PHLPP1: variants seen among roughly 807,000 people sequenced by gnomAD.
PHLPP1 encodes PH domain leucine-rich repeat-containing protein phosphatase 1.
Under a neutral mutation model 117.2 loss-of-function variants are expected in PHLPP1, and 42 were observed. The ratio of observed to expected loss-of-function variants is 0.36; its 90% CI spans 0.28 to 0.46. PHLPP1 has a LOEUF of 0.46. Ranked by LOEUF, PHLPP1 falls within the 20% of genes least tolerant of loss-of-function variation. The pLI is 1.00. For synonymous variants in PHLPP1, 1,042 were observed against 970.7 expected (o/e 1.07, Z -1.37); for missense variants, 2,084 against 2,241.9 (o/e 0.93, Z 1.42).
Position 62,941,810 on chromosome 18 carries a change from A to G in PHLPP1, c.3053A>G (p.Tyr1018Cys). ...EETNSILQEL[Y>C]LTNNSLTDKC... ...ACAAACAGTATCTTACAAGAGTTGT[A>G]TTTGACAAATAACAGCCTCACAGAC... Residue 1018 changes from tyrosine (Y) to cysteine (C), a missense_variant, in exon 11 of 17, where the codon TAT (tyrosine) becomes TGT (cysteine). This residue lies in a region of PHLPP1 where 1,365 missense variants were observed against 1,605.9 expected (regional missense o/e 0.85). Transcript: ENST00000262719. 1 of 1,613,980 alleles carries G rather than the reference A, an allele frequency of 6.2e-7. No individual in the cohort carries two copies. The highest frequency in any genetic ancestry group is 8.5e-7 in the Non-Finnish European group (1 of 1,179,828).
intron 4 of PHLPP1, among the ~76,000 whole-genome samples, chr18:62,866,331 G>GC (rs1227166557): frequency 6.7e-6 from 1 of 150,294 alleles, no homozygotes; most frequent in East Asian, 2.0e-4. Context: ...TGCAACCTCC[G>GC]CCCCCCAGGT....
At position 62,975,379 on chromosome 18, in the gene PHLPP1, CCT is replaced by C; in HGVS notation, c.3756-13_3756-12del. The C allele has an allele frequency of 1.3e-6, 2 of 1,573,680 alleles. No homozygotes were observed. Among genetic ancestry groups the C allele is most frequent in the South Asian group, 1.1e-5 (1 of 90,234 alleles). On this transcript the variant is annotated splice_polypyrimidine_tract_variant and intron_variant, in intron 15 of 16. Coordinates refer to ENST00000262719, the MANE Select transcript of PHLPP1 (RefSeq NM_194449.4). ...GATGGGCTGTGTTTGAGTGTCACCCCCTCTCTTCGGATTCCAGGAAACTTGGA... is the reference window on the plus strand; with the variant it reads ...GATGGGCTGTGTTTGAGTGTCACCCCCTCTTCGGATTCCAGGAAACTTGGA...
intron 13 of PHLPP1, 58 bp downstream of exon 13, chr18:62,958,817 A>T (rs1910692867): frequency 1.9e-6 from 3 of 1,586,506 alleles, no homozygotes; most frequent in Non-Finnish European, 2.6e-6. Flanking sequence ...TGGGATTCAT[A>T]TCTTAGTGAA....
At chr18:62,754,431 T>G (rs945224823) in intron 1 of PHLPP1, among the ~76,000 whole-genome samples, 1 of 152,234 alleles carries the variant, frequency 6.6e-6, no homozygotes, top group Non-Finnish European at 1.5e-5. Flanking sequence ...CCAAACTGTT[T>G]CTCTGCCAGT....
chr18:62,878,636 C>G (rs978127016), intron 4 of PHLPP1, among the ~76,000 whole-genome samples: 1 of 152,148 alleles, frequency 6.6e-6, no homozygotes, highest in African/African-American at 2.4e-5. Flanking sequence ...TCTGTAAAAG[C>G]AGGGCACACC....
chr18:62,824,148 A>T (rs752755095), intron 1 of PHLPP1: 2 of 449,346 alleles, frequency 4.5e-6, no homozygotes, highest in South Asian at 1.6e-5. Context: ...AAAAAAAAAA[A>T]TGTTGACAGG....
At chr18:62,734,638 G>C (rs1911320140) in intron 1 of PHLPP1, among the ~76,000 whole-genome samples, 1 of 152,160 alleles carries the variant, frequency 6.6e-6, no homozygotes. Context: ...ATTTCAGCCT[G>C]TCTGACTAAA....
chr18:62,730,712 A>G (rs1314601409), intron 1 of PHLPP1, among the ~76,000 whole-genome samples: 7 of 151,994 alleles, frequency 4.6e-5, no homozygotes, highest in Non-Finnish European at 7.4e-5. Context: ...GAATCCTATG[A>G]AAACGGGAGG....
chr18:62,741,602 A>G (rs1433644040), intron 1 of PHLPP1, among the ~76,000 whole-genome samples: 2 of 152,008 alleles, frequency 1.3e-5, no homozygotes, highest in Non-Finnish European at 2.9e-5. Flanking sequence ...CCACTCTTTA[A>G]CAAGAAGGTC....
intron 2 of PHLPP1, among the ~76,000 whole-genome samples, chr18:62,833,117 A>G (rs1779183882): frequency 6.6e-6 from 1 of 152,176 alleles, no homozygotes; most frequent in African/African-American, 2.4e-5. Context: ...TTTGTCATCC[A>G]GGCTGGAGTG....
intron 15 of PHLPP1, among the ~76,000 whole-genome samples, chr18:62,975,079 G>A (rs543755084): frequency 7.9e-5 from 12 of 152,322 alleles, no homozygotes; most frequent in Admixed American, 5.2e-4. Context: ...TGATAGGGCA[G>A]TGTGGTTGAT....
rs1414128337 is a variant in PHLPP1, at chr18:62,717,147, G to A, written c.1464G>A (p.Lys488=). 3.1e-6 allele frequency: 5 copies of A among 1,609,144 alleles called. No homozygotes were observed. Among genetic ancestry groups the A allele is most frequent in the East Asian group, 2.2e-5 (1 of 44,680 alleles). The part of the protein sequence containing the change: ...ETTRRLEAEE[K]PLQIQNDYLF... Reference sequence around the variant, plus strand: ...CCCGGCGCTTGGAGGCGGAGGAGAAGCCATTGCAGATCCAAAATGACTACC... The same window carrying A: ...CCCGGCGCTTGGAGGCGGAGGAGAAACCATTGCAGATCCAAAATGACTACC... The change falls in exon 1 of 17, where the codon AAG becomes AAA. Residue 488 remains lysine, a synonymous_variant. Transcript: ENST00000262719.
intron 4 of PHLPP1, among the ~76,000 whole-genome samples, chr18:62,874,655 G>GCACA (rs1222131383): frequency 1.2e-4 from 7 of 59,022 alleles, no homozygotes; most frequent in African/African-American, 3.5e-4. Flanking sequence ...GCACGCACGC[G>GCACA]CGCACACACA....
At position 62,874,843 on chromosome 18, in the gene PHLPP1, A is replaced by T. The variant is rs77594188; in HGVS notation, c.2066+14242A>T. Among the ~76,000 whole-genome samples the T allele has an allele frequency of 5.3e-3, 811 of 152,304 alleles. 15 individuals carry two copies. The highest frequency in any genetic ancestry group is 3.9e-3 in the Non-Finnish European group (265 of 68,032). On this transcript the variant is annotated intron_variant, in intron 4 of 16. Transcript: ENST00000262719. ...ATGGGCAAACTTCACACAGACAGCGATCCTCACCAGGAATTGATTTTTTTC... is the reference window on the plus strand; with the variant it reads ...ATGGGCAAACTTCACACAGACAGCGTTCCTCACCAGGAATTGATTTTTTTC...
intron 10 of PHLPP1, among the ~76,000 whole-genome samples, chr18:62,938,250 A>G (rs1342246982): frequency 6.6e-6 from 1 of 152,216 alleles, no homozygotes; most frequent in Non-Finnish European, 1.5e-5. Context: ...TAGTTATCAC[A>G]TCATACAGAG....
chr18:62,721,122 G>A (rs1400892758), intron 1 of PHLPP1, among the ~76,000 whole-genome samples: 1 of 152,136 alleles, frequency 6.6e-6, no homozygotes, highest in African/African-American at 2.4e-5. Context: ...TAATGAGGTG[G>A]TATTATCCTC....
chr18:62,959,288 C>T (rs971447860), intron 13 of PHLPP1, among the ~76,000 whole-genome samples: 1 of 152,132 alleles, frequency 6.6e-6, no homozygotes, highest in Non-Finnish European at 1.5e-5. Context: ...TTGAATATTA[C>T]AAAGCCATTT....
At chr18:62,928,255 G>A (rs190694022) in intron 10 of PHLPP1, among the ~76,000 whole-genome samples, 14 of 152,222 alleles carry the variant, frequency 9.2e-5, no homozygotes, top group Admixed American at 7.8e-4. Flanking sequence ...TCAAGAAAGT[G>A]AACGTGCAAC....
intron 4 of PHLPP1, among the ~76,000 whole-genome samples, chr18:62,865,100 G>T (rs1391830977): frequency 6.6e-6 from 1 of 152,196 alleles, no homozygotes; most frequent in Non-Finnish European, 1.5e-5. Context: ...GAGGCAGGAA[G>T]CTGGCTTGAG....
Sources: gnomAD v4.1 joint callset for allele counts (sites outside exome capture counted in the v4.1 genomes callset) on GRCh38, gnomAD v4.1.1 for gene constraint, gnomAD v4.1.1 regional missense constraint, MANE v1.5 for transcripts, NCBI Gene and HGNC (gene_info 2026-07-23, HGNC 2026-07-21) for gene names.